The following CERK variants were observed in gnomAD, a reference collection of about 807,000 sequenced individuals.
CERK encodes acylsphingosine kinase.
CERK carries 39 observed loss-of-function variants against 63.4 expected under a neutral mutation model. The observed-to-expected ratio is 0.61, with a 90% CI of 0.48 to 0.80. The LOEUF (loss-of-function observed/expected upper bound fraction) is 0.80, where lower values mean the gene tolerates loss of function less well. Among genes scored for constraint, CERK ranks in the 30% least tolerant of loss-of-function variants. CERK has a pLI of 0.00. For missense variants in CERK, 670 were observed against 714.1 expected (o/e 0.94, Z 0.70); for synonymous variants, 302 against 280.0 (o/e 1.08, Z -0.78).
At chr22:46,710,125 A>C (rs1569324448) in intron 5 of CERK, among the ~76,000 whole-genome samples, 1 of 152,236 alleles carries the variant, frequency 6.6e-6, no homozygotes, top group Admixed American at 6.5e-5. Context: ...TAAATAATAT[A>C]CTATAAGAAA....
At chr22:46,736,623 T>C (rs917670226) in intron 1 of CERK, among the ~76,000 whole-genome samples, 3 of 152,180 alleles carry the variant, frequency 2.0e-5, no homozygotes, top group Non-Finnish European at 4.4e-5. Flanking sequence ...TGGTGGGTGA[T>C]ATTTGGGGTG....
chr22:46,728,845 C>T (rs1266828102), intron 1 of CERK, among the ~76,000 whole-genome samples: 1 of 152,166 alleles, frequency 6.6e-6, no homozygotes, highest in Non-Finnish European at 1.5e-5. Flanking sequence ...GGCCCCTGTC[C>T]CAGAGAAGCC....
At chr22:46,690,331 G>A (rs916571461) in intron 11 of CERK, 131 bp from the exon 12 acceptor site, 5 of 649,446 alleles carry the variant, frequency 7.7e-6, no homozygotes, top group East Asian at 2.7e-5. Context: ...CGGAGGATGC[G>A]ACTGCTTGTG....
chr22:46,717,899 G>A (rs55927007), intron 3 of CERK, among the ~76,000 whole-genome samples: 28,264 of 152,014 alleles, frequency 0.19, 3,029 homozygotes, highest in African/African-American at 0.28. Flanking sequence ...TGGCCAACAC[G>A]GCGAAACTCT....
In CERK at chr22:46,701,609, G is replaced by A. The variant is rs748590750; in HGVS notation, c.790+27C>T. 3.4e-5 allele frequency: 53 copies of A among 1,544,908 alleles called. No homozygotes were observed. The African/African-American group carries it at 4.2e-4, about 12-fold the overall frequency. ...GGGCGCAGGAGGCCCGGCTGCCACCGTGCGCATGCGCAGAGGAGGGGCTCA... is the reference window on the plus strand; with the variant it reads ...GGGCGCAGGAGGCCCGGCTGCCACCATGCGCATGCGCAGAGGAGGGGCTCA... On this transcript the variant is annotated intron_variant, in intron 7 of 12. Transcript: ENST00000216264.
At chr22:46,734,200 G>A (rs942420241) in intron 1 of CERK, among the ~76,000 whole-genome samples, 4 of 152,076 alleles carry the variant, frequency 2.6e-5, no homozygotes, top group African/African-American at 4.8e-5. Flanking sequence ...TGAATGGACT[G>A]CAAACTGTCC....
chr22:46,718,308 G>C (rs1051245197), intron 3 of CERK, among the ~76,000 whole-genome samples: 1 of 152,162 alleles, frequency 6.6e-6, no homozygotes, highest in Admixed American at 6.6e-5. Flanking sequence ...CTGGAATCCA[G>C]TCAGCCAAAG....
At chr22:46,728,080 G>A (rs921539489) in intron 1 of CERK, among the ~76,000 whole-genome samples, 38 of 152,164 alleles carry the variant, frequency 2.5e-4, no homozygotes, top group Non-Finnish European at 8.8e-5. Flanking sequence ...TGTGGGTTCA[G>A]GAAATGAATC....
At chr22:46,731,674 C>T (rs571334703) in intron 1 of CERK, among the ~76,000 whole-genome samples, 2 of 152,274 alleles carry the variant, frequency 1.3e-5, no homozygotes, top group Admixed American at 1.3e-4. Flanking sequence ...CCTGGGGAGG[C>T]ACAGGGCATG....
chr22:46,709,290 T>A (rs1268865998), intron 5 of CERK, among the ~76,000 whole-genome samples: 1 of 152,226 alleles, frequency 6.6e-6, no homozygotes, highest in Admixed American at 6.5e-5. Context: ...GAGGCGAGGC[T>A]GATCCCTTGG....
At chr22:46,691,049 A>ACATG (rs1192579503) in intron 11 of CERK, among the ~76,000 whole-genome samples, 1 of 112,100 alleles carries the variant, frequency 8.9e-6, no homozygotes, top group Admixed American at 1.0e-4. Context: ...ACACATGTAT[A>ACATG]CATACATACA....
rs565045913 is a variant in CERK, at chr22:46,687,504, T to G, written c.1542-298A>C. ...GTTGCCAATGGCCAGGTGGGAAATC[T>G]GGGCATCGGTAGACCTGACTCGAAC... On this transcript the variant is annotated intron_variant, in intron 12 of 12. Transcript: ENST00000216264. 2.6e-5 allele frequency among the ~76,000 whole-genome samples: 4 copies of G among 152,342 alleles called. No individual in the cohort carries two copies. In the South Asian group the frequency reaches 8.3e-4, roughly 32 times the overall value.
At chr22:46,691,056 T>C (rs8136482) in intron 11 of CERK, among the ~76,000 whole-genome samples, 9,765 of 147,250 alleles carry the variant, frequency 0.066, 375 homozygotes, top group Non-Finnish European at 0.095. Flanking sequence ...TATACATACA[T>C]ACACACACAC....
intron 1 of CERK, among the ~76,000 whole-genome samples, chr22:46,733,761 G>A (rs1445646269): frequency 6.6e-6 from 1 of 151,838 alleles, no homozygotes; most frequent in Admixed American, 6.6e-5. Context: ...AGAATTTACA[G>A]CCAGGTGCAG....
At chr22:46,712,869 G>A (rs1344501040) in intron 3 of CERK, among the ~76,000 whole-genome samples, 11 of 145,796 alleles carry the variant, frequency 7.5e-5, no homozygotes, top group Non-Finnish European at 1.6e-4. Flanking sequence ...TTTTGAGATG[G>A]AGTCTCGCTC....
chr22:46,705,531 C>T (rs572088221), intron 6 of CERK, among the ~76,000 whole-genome samples: 43 of 152,292 alleles, frequency 2.8e-4, no homozygotes, highest in Middle Eastern at 3.4e-3. Context: ...ATTAGCCAGG[C>T]ATGGTGGTAC....
intron 3 of CERK, among the ~76,000 whole-genome samples, chr22:46,713,774 G>C (rs2082854805): frequency 6.6e-6 from 1 of 152,186 alleles, no homozygotes; most frequent in Non-Finnish European, 1.5e-5. Flanking sequence ...AACTTCTGGG[G>C]TGACAGAAGC....
Position 46,712,278 on chromosome 22 carries a change from TG to T in CERK, c.394del (p.His132IlefsTer29), listed in dbSNP as rs548430289. 1.8e-5 allele frequency: 29 copies of T among 1,613,946 alleles called. No homozygotes were observed. Among genetic ancestry groups the T allele is most frequent in the Non-Finnish European group, 2.5e-5 (29 of 1,179,944 alleles). Reference protein sequence around the residue: ...MLEKLTSRPKHLLVFINPFGG... With the variant: ...MLEKLTSRPKXLLVFINPFGG... ...AAACGGGTTGATAAATACCAGTAAA[TG>T]CTTTGGTCTGGACGCTGTAAGACAA... is the stretch of plus-strand genomic sequence containing the variant. On this transcript the variant is annotated frameshift_variant, in exon 4 of 13. Transcript: ENST00000216264. LOFTEE classifies it high-confidence loss of function.
intron 1 of CERK, among the ~76,000 whole-genome samples, chr22:46,734,943 C>T (rs1008924797): frequency 3.3e-5 from 5 of 152,094 alleles, no homozygotes; most frequent in South Asian, 2.1e-4. Context: ...GCTGAGGACA[C>T]GCTTTATAAA....
Sources: gnomAD v4.1 joint callset for allele counts (sites outside exome capture counted in the v4.1 genomes callset) on GRCh38, gnomAD v4.1.1 for gene constraint, MANE v1.5 for transcripts, NCBI Gene and HGNC (gene_info 2026-07-23, HGNC 2026-07-21) for gene names.